Variants in SEMA5A observed in about 807,000 individuals in gnomAD.
SEMA5A encodes the protein semaphorin-5A.
A neutral mutation model predicts 135.5 loss-of-function variants in SEMA5A; 55 were observed. That is an observed-to-expected ratio of 0.41 (90% confidence interval 0.33 to 0.51). The LOEUF (loss-of-function observed/expected upper bound fraction) is 0.51, where lower values mean the gene tolerates loss of function less well. SEMA5A is among the 20% of genes least tolerant of loss of function. The pLI is 0.37. For synonymous variants in SEMA5A, 580 were observed against 546.5 expected (o/e 1.06, Z -0.85); for missense variants, 1,290 against 1,419.9 (o/e 0.91, Z 1.47).
chr5:9,325,820 C>T (rs3797978), intron 4 of SEMA5A, among the ~76,000 whole-genome samples: 4,280 of 151,966 alleles, frequency 0.028, 156 homozygotes, highest in East Asian at 0.16. Context: ...ACTATAAAAT[C>T]AAAGAAAAAA....
At chr5:9,352,582 C>T (rs924074638) in intron 3 of SEMA5A, among the ~76,000 whole-genome samples, 1 of 152,106 alleles carries the variant, frequency 6.6e-6, no homozygotes, top group Non-Finnish European at 1.5e-5. Context: ...TGATTGTGTT[C>T]GAGAAGCACT....
intron 11 of SEMA5A, among the ~76,000 whole-genome samples, chr5:9,157,534 C>T (rs1366134310): frequency 1.3e-5 from 2 of 152,206 alleles, no homozygotes; most frequent in Non-Finnish European, 1.5e-5. Flanking sequence ...ACCTAGTTCT[C>T]GTCCACCCGC....
At chr5:9,122,504 C>T in intron 14 of SEMA5A, 152 bp downstream of exon 14, 4 of 752,526 alleles carry the variant, frequency 5.3e-6, no homozygotes, top group African/African-American at 1.8e-5. Context: ...AATCTCCTTG[C>T]AAAAATCATG....
intron 1 of SEMA5A, among the ~76,000 whole-genome samples, chr5:9,463,855 AC>A (rs894918250): frequency 2.6e-5 from 4 of 151,390 alleles, no homozygotes; most frequent in African/African-American, 9.7e-5. Context: ...AGTACTCCAC[AC>A]CCCCCTGAAG....
At chr5:9,144,660 T>C (rs1459438865) in intron 12 of SEMA5A, among the ~76,000 whole-genome samples, 1 of 152,150 alleles carries the variant, frequency 6.6e-6, no homozygotes, top group Non-Finnish European at 1.5e-5. Flanking sequence ...TTGTGTAGCC[T>C]TCATCAGTGC....
In SEMA5A at chr5:9,347,497, G is replaced by A. The variant is rs115146798; in HGVS notation, c.125-9685C>T. ...TTTTACTCGATGAGTTCCTGATTGG[G>A]TCTTCCTTCAAACACCATTTGAAAA... is the stretch of plus-strand genomic sequence containing the variant. On this transcript the variant is annotated intron_variant, in intron 3 of 22. Transcript: ENST00000382496. Among the ~76,000 whole-genome samples, 746 of 152,134 alleles carry A rather than the reference G, an allele frequency of 4.9e-3. 6 individuals carry two copies. Among genetic ancestry groups the A allele is most frequent in the African/African-American group, 0.017 (715 of 41,512 alleles).
chr5:9,463,723 G>T (rs1485205021), intron 1 of SEMA5A, among the ~76,000 whole-genome samples: 1 of 152,172 alleles, frequency 6.6e-6, no homozygotes, highest in Non-Finnish European at 1.5e-5. Context: ...CTAAGTCATA[G>T]AAATGGCAAG....
At chr5:9,522,049 G>A (rs566359143) in intron 1 of SEMA5A, among the ~76,000 whole-genome samples, 28 of 152,204 alleles carry the variant, frequency 1.8e-4, no homozygotes, top group Admixed American at 9.8e-4. Flanking sequence ...CCTCCCCGTC[G>A]CATAGCCTTC....
intron 13 of SEMA5A, among the ~76,000 whole-genome samples, chr5:9,131,628 A>C (rs1741428396): frequency 2.1e-4 from 6 of 29,216 alleles, no homozygotes; most frequent in Admixed American, 3.2e-4. Flanking sequence ...AAAAAAAAAA[A>C]AAAAAAAAAA....
chr5:9,323,893 C>T (rs916214992), intron 4 of SEMA5A, among the ~76,000 whole-genome samples: 1 of 151,812 alleles, frequency 6.6e-6, no homozygotes, highest in Non-Finnish European at 1.5e-5. Flanking sequence ...AACTCCTGAC[C>T]TCAAGTGATC....
At chr5:9,089,749 A>G (rs1738930038) in intron 16 of SEMA5A, among the ~76,000 whole-genome samples, 1 of 152,104 alleles carries the variant, frequency 6.6e-6, no homozygotes, top group South Asian at 2.1e-4. Flanking sequence ...TTTCATCACT[A>G]AGTATGATAA....
intron 1 of SEMA5A, among the ~76,000 whole-genome samples, chr5:9,493,132 C>T (rs1735116515): frequency 6.6e-6 from 1 of 151,990 alleles, no homozygotes; most frequent in South Asian, 2.1e-4. Context: ...GATAGGAGAA[C>T]ACTCTATACT....
At chr5:9,290,043 A>C (rs1159149368) in intron 5 of SEMA5A, among the ~76,000 whole-genome samples, 2 of 152,196 alleles carry the variant, frequency 1.3e-5, no homozygotes, top group African/African-American at 4.8e-5. Context: ...TCTGATTTAA[A>C]AATTACTTTT....
At chr5:9,175,142 T>G (rs1196371859) in intron 11 of SEMA5A, among the ~76,000 whole-genome samples, 1 of 152,180 alleles carries the variant, frequency 6.6e-6, no homozygotes, top group East Asian at 1.9e-4. Context: ...TCTAAAATTC[T>G]GCTCCCTGCA....
intron 1 of SEMA5A, among the ~76,000 whole-genome samples, chr5:9,527,909 C>A (rs462057): frequency 1.3e-5 from 2 of 152,058 alleles, no homozygotes; most frequent in South Asian, 2.1e-4. Context: ...GTGAAAAGGC[C>A]TAGAAGATCT....
intron 3 of SEMA5A, among the ~76,000 whole-genome samples, chr5:9,359,620 A>C (rs1296251650): frequency 6.6e-6 from 1 of 152,150 alleles, no homozygotes; most frequent in Non-Finnish European, 1.5e-5. Flanking sequence ...ACCTATAATA[A>C]CTATTCCCCT....
chr5:9,283,482 G>T (rs539088986), intron 5 of SEMA5A, among the ~76,000 whole-genome samples: 2 of 152,254 alleles, frequency 1.3e-5, no homozygotes, highest in East Asian at 3.9e-4. Context: ...TTAAAGACTT[G>T]CCTGTTAGGT....
At chr5:9,099,594 C>G (rs1739512083) in intron 16 of SEMA5A, among the ~76,000 whole-genome samples, 1 of 152,180 alleles carries the variant, frequency 6.6e-6, no homozygotes, top group Admixed American at 6.5e-5. Flanking sequence ...AATCCTAGAT[C>G]ATCTCCATCA....
chr5:9,532,661 G>T (rs776677228), intron 1 of SEMA5A, among the ~76,000 whole-genome samples: 16 of 152,100 alleles, frequency 1.1e-4, no homozygotes, highest in Non-Finnish European at 1.9e-4. Flanking sequence ...AAAGAGAAAT[G>T]GTCATTTGTC....
Sources: allele counts gnomAD v4.1 joint callset (sites outside exome capture counted in the v4.1 genomes callset), GRCh38; gene constraint gnomAD v4.1.1; transcripts MANE v1.5; gene names NCBI Gene and HGNC (gene_info 2026-07-23, HGNC 2026-07-21).